Variants in SLC25A31 observed in about 807,000 individuals in gnomAD.
The protein encoded by SLC25A31 is ADP/ATP translocase 4.
In SLC25A31, 40 loss-of-function variants were observed where a neutral mutation model predicts 36.2. The ratio of observed to expected loss-of-function variants is 1.10; its 90% confidence interval spans 0.86 to 1.44. SLC25A31 has a LOEUF of 1.44. SLC25A31 is among the 40% of genes most tolerant of loss of function. The pLI, the probability that SLC25A31 is intolerant of heterozygous loss-of-function variation, is 0.00. For synonymous variants in SLC25A31, 143 were observed against 149.7 expected (o/e 0.96, Z 0.32); for missense variants, 350 against 397.1 (o/e 0.88, Z 1.01).
chr4:127,743,625 A>G (rs1436479579), intron 1 of SLC25A31, among the ~76,000 whole-genome samples: 2 of 152,244 alleles, frequency 1.3e-5, no homozygotes, highest in Non-Finnish European at 2.9e-5. Context: ...GTAAAGATGG[A>G]GTCAGCTATG....
intron 1 of SLC25A31, among the ~76,000 whole-genome samples, chr4:127,738,198 C>A (rs1731668803): frequency 6.6e-6 from 1 of 152,298 alleles, no homozygotes; most frequent in African/African-American, 2.4e-5. Context: ...TCAAGCAATT[C>A]TCATTCCTCA....
At position 127,767,102 on chromosome 4, in the gene SLC25A31, GT is replaced by G; in HGVS notation, c.516del (p.Cys172Ter). 4 of 1,613,618 alleles carry G rather than the reference GT, an allele frequency of 2.5e-6. No homozygotes were observed. The highest frequency in any genetic ancestry group is 3.4e-6 in the Non-Finnish European group (4 of 1,179,794). On this transcript the variant is annotated frameshift_variant, in exon 4 of 6. Transcript: ENST00000281154. LOFTEE classifies it high-confidence loss of function. The stretch of plus-strand genomic sequence containing the variant: ...CGACAATTCAAGGGTTTAGGTGACT[GT>G]ATTATGAAAATAGCAAAATCAGATG... Reference protein sequence around the residue: ...EERQFKGLGDCIMKIAKSDGI... With the variant: ...EERQFKGLGDXIMKIAKSDGI...
At chr4:127,734,155 T>A (rs902214961) in intron 1 of SLC25A31, among the ~76,000 whole-genome samples, 1 of 152,360 alleles carries the variant, frequency 6.6e-6, no homozygotes, top group Admixed American at 6.5e-5. Context: ...ACATCACTGC[T>A]AAAGTCACCA....
chr4:127,763,117 A>G (rs1732174216), intron 2 of SLC25A31, among the ~76,000 whole-genome samples: 1 of 152,140 alleles, frequency 6.6e-6, no homozygotes, highest in Non-Finnish European at 1.5e-5. Context: ...AGTCTATAAC[A>G]TGTTAATACA....
At chr4:127,734,834 A>G (rs1731594038) in intron 1 of SLC25A31, among the ~76,000 whole-genome samples, 1 of 152,118 alleles carries the variant, frequency 6.6e-6, no homozygotes, top group Non-Finnish European at 1.5e-5. Context: ...GATATTTAAT[A>G]TATAAATTGG....
intron 2 of SLC25A31, among the ~76,000 whole-genome samples, chr4:127,761,077 A>G (rs1034670916): frequency 6.6e-5 from 10 of 152,174 alleles, no homozygotes; most frequent in African/African-American, 2.4e-4. Flanking sequence ...AGGCTTTGTT[A>G]CATAAATGCA....
intron 1 of SLC25A31, among the ~76,000 whole-genome samples, chr4:127,737,825 T>C (rs1731661291): frequency 6.6e-6 from 1 of 151,858 alleles, no homozygotes; most frequent in African/African-American, 2.4e-5. Context: ...TTCCAAGCCA[T>C]TGGGATTACA....
chr4:127,749,074 A>G (rs1427202810), intron 2 of SLC25A31, among the ~76,000 whole-genome samples: 1 of 151,714 alleles, frequency 6.6e-6, no homozygotes, highest in East Asian at 1.9e-4. Flanking sequence ...AATTGAAACC[A>G]TTAAAAAAAA....
At chr4:127,771,876 C>T (rs1168098628) in intron 5 of SLC25A31, among the ~76,000 whole-genome samples, 1 of 152,154 alleles carries the variant, frequency 6.6e-6, no homozygotes, top group Admixed American at 6.5e-5. Context: ...AATATGTTTA[C>T]ATATTGTGTT....
intron 5 of SLC25A31, among the ~76,000 whole-genome samples, chr4:127,771,090 G>A (rs1049737985): frequency 1.3e-4 from 19 of 151,150 alleles, no homozygotes; most frequent in African/African-American, 4.1e-4. Context: ...CCGAGTAGCT[G>A]AGATTACAGG....
Position 127,773,638 on chromosome 4 carries a change from C to A in SLC25A31, c.*64C>A. The A allele has an allele frequency of 1.6e-6, 2 of 1,257,754 alleles. No individual in the cohort carries two copies. The highest frequency in any genetic ancestry group is 1.6e-5 in the South Asian group (1 of 60,906). The allele number at this position is 1,257,754 out of a possible 1,614,324, so 77.9% of individuals were successfully genotyped here. A position where few individuals can be genotyped will look rare whatever the true frequency, so the allele number is the denominator to read the frequency against. On this transcript the variant is annotated 3_prime_UTR_variant, in exon 6 of 6. Transcript: ENST00000281154. ...TTAAACATACAAATTACATAGCTGC[C>A]ATTTGCATACATTTTGATAGTGTTA...
intron 2 of SLC25A31, among the ~76,000 whole-genome samples, chr4:127,760,629 A>G (rs973151333): frequency 2.0e-5 from 3 of 152,242 alleles, no homozygotes; most frequent in African/African-American, 7.2e-5. Flanking sequence ...TTGATGCATC[A>G]TTGAGTCTTT....
In SLC25A31 at chr4:127,761,185, T is replaced by C. The variant is rs1732122761; in HGVS notation, c.361-3058T>C. Among the ~76,000 whole-genome samples, 3 of 152,168 alleles carry C rather than the reference T, an allele frequency of 2.0e-5. 1 individual carries two copies. The South Asian group carries it at 6.2e-4, about 31-fold the overall frequency. ...ATAGATCGGCCATACCGTTTATATATGTTGTGCCTGCCCCTGTCGTTTTTT... is the reference window on the plus strand; with the variant it reads ...ATAGATCGGCCATACCGTTTATATACGTTGTGCCTGCCCCTGTCGTTTTTT... On this transcript the variant is annotated intron_variant, in intron 2 of 5. Coordinates refer to ENST00000281154, the MANE Select transcript of SLC25A31 (RefSeq NM_031291.4).
chr4:127,762,794 G>A (rs921285446), intron 2 of SLC25A31, among the ~76,000 whole-genome samples: 3 of 151,906 alleles, frequency 2.0e-5, no homozygotes, highest in African/African-American at 7.3e-5. Flanking sequence ...CGTGGTGGCG[G>A]GCGCCTGTAG....
chr4:127,733,546 A>G (rs1157225384), intron 1 of SLC25A31, among the ~76,000 whole-genome samples: 2 of 152,220 alleles, frequency 1.3e-5, no homozygotes, highest in Non-Finnish European at 2.9e-5. Flanking sequence ...TATTTGACGT[A>G]TTTCAAAATG....
chr4:127,744,925 T>G, intron 2 of SLC25A31, 126 bp downstream of exon 2: 1 of 682,504 alleles, frequency 1.5e-6, no homozygotes, highest in Non-Finnish European at 2.2e-6. Context: ...TAGATTTGTC[T>G]TAACTGTGAT....
intron 1 of SLC25A31, among the ~76,000 whole-genome samples, chr4:127,738,738 A>G (rs984515169): frequency 1.3e-5 from 2 of 152,004 alleles, no homozygotes; most frequent in Non-Finnish European, 2.9e-5. Flanking sequence ...GTGACTGGCT[A>G]AGTCTTTTTG....
At chr4:127,760,679 A>AT (rs1371300798) in intron 2 of SLC25A31, among the ~76,000 whole-genome samples, 1 of 152,236 alleles carries the variant, frequency 6.6e-6, no homozygotes, top group South Asian at 2.1e-4. Context: ...AAATAGGATT[A>AT]TTTTTCCTCA....
At chr4:127,735,953 G>C (rs1250146759) in intron 1 of SLC25A31, among the ~76,000 whole-genome samples, 1 of 143,128 alleles carries the variant, frequency 7.0e-6, no homozygotes, top group East Asian at 2.1e-4. Flanking sequence ...GCAGTGGCGC[G>C]ATCTCGGCTC....
Sources: allele counts gnomAD v4.1 joint callset (sites outside exome capture counted in the v4.1 genomes callset), GRCh38; gene constraint gnomAD v4.1.1; transcripts MANE v1.5; gene names NCBI Gene and HGNC (gene_info 2026-07-23, HGNC 2026-07-21).